The following CDS1 variants were observed in gnomAD, a reference collection of about 807,000 sequenced individuals.
CDS1 encodes the protein phosphatidate cytidylyltransferase 1.
In CDS1, 41 loss-of-function variants were observed where a neutral mutation model predicts 62.1. The observed-to-expected ratio is 0.66, with a 90% CI of 0.51 to 0.86. The LOEUF is 0.86. CDS1 is among the 40% of genes least tolerant of loss of function. The pLI is 0.00. For synonymous variants in CDS1, 185 were observed against 192.6 expected, an observed-to-expected ratio of 0.96 and a Z score of 0.32; for missense variants, 470 against 550.1, an observed-to-expected ratio of 0.85 and a Z score of 1.46.
At chr4:84,645,814 A>T (rs867502168) in intron 12 of CDS1, among the ~76,000 whole-genome samples, 4 of 152,234 alleles carry the variant, frequency 2.6e-5, no homozygotes, top group African/African-American at 7.2e-5. Context: ...AGAAAGAGAC[A>T]ATAAACAAAT....
chr4:84,615,879 A>G (rs1323368718), intron 3 of CDS1, among the ~76,000 whole-genome samples: 2 of 152,228 alleles, frequency 1.3e-5, no homozygotes, highest in Non-Finnish European at 2.9e-5. Context: ...AGATACACAT[A>G]TAGTTGAAGG....
At chr4:84,611,618 C>T (rs1236981524) in intron 3 of CDS1, among the ~76,000 whole-genome samples, 1 of 152,190 alleles carries the variant, frequency 6.6e-6, no homozygotes, top group Non-Finnish European at 1.5e-5. Context: ...TCTTTCACTT[C>T]TCTTTTTGTC....
intron 5 of CDS1, among the ~76,000 whole-genome samples, chr4:84,622,891 G>T (rs753683514): frequency 6.6e-6 from 1 of 152,000 alleles, no homozygotes; most frequent in Non-Finnish European, 1.5e-5. Context: ...ATCACTTCCT[G>T]TAGAGCCAAA....
In CDS1 at chr4:84,645,080, A is replaced by G. The variant is rs1294215337; in HGVS notation, c.1153-142A>G. 4.7e-6 allele frequency: 3 copies of G among 638,074 alleles called. No homozygotes were observed. The African/African-American group carries it at 5.5e-5, about 12-fold the overall frequency. The allele number at this position is 638,074 out of a possible 1,614,324, so 39.5% of individuals were successfully genotyped here. On this transcript the variant is annotated intron_variant, in intron 11 of 12. Transcript: ENST00000295887. ...GGTTTTAATCTGCTGGATGTGTTCT[A>G]ATAAGTTTTTATTTAGTGAAAAAAA...
At chr4:84,604,697 T>C (rs1723038448) in intron 2 of CDS1, among the ~76,000 whole-genome samples, 5 of 152,230 alleles carry the variant, frequency 3.3e-5, no homozygotes, top group Admixed American at 3.3e-4. Flanking sequence ...TTTCTGGTAT[T>C]AGAACACCTA....
chr4:84,627,184 AGT>A (rs1723888607), intron 5 of CDS1, among the ~76,000 whole-genome samples: 1 of 152,224 alleles, frequency 6.6e-6, no homozygotes. Context: ...AAGCAGAGAC[AGT>A]TCAAATTACT....
At chr4:84,631,961 G>A (rs1014930966) in intron 6 of CDS1, 84 bp downstream of exon 6, 12 of 840,144 alleles carry the variant, frequency 1.4e-5, no homozygotes, top group South Asian at 4.6e-5. Context: ...AGATACAGTC[G>A]AATCTGCTAG....
chr4:84,599,448 A>ATG (rs1304396490), intron 1 of CDS1, among the ~76,000 whole-genome samples: 2 of 134,386 alleles, frequency 1.5e-5, no homozygotes, highest in African/African-American at 5.6e-5. Flanking sequence ...ATATATATAT[A>ATG]TATGCCTATG....
intron 3 of CDS1, among the ~76,000 whole-genome samples, chr4:84,612,154 G>C (rs1723344579): frequency 6.6e-6 from 1 of 151,514 alleles, no homozygotes; most frequent in Non-Finnish European, 1.5e-5. Flanking sequence ...TTCCTCGGTG[G>C]CAGAAAAAGG....
intron 1 of CDS1, among the ~76,000 whole-genome samples, chr4:84,594,175 C>G (rs1162743733): frequency 6.6e-6 from 1 of 152,052 alleles, no homozygotes; most frequent in Non-Finnish European, 1.5e-5. Flanking sequence ...AAGAGAAAAA[C>G]CATTTTTCTC....
Position 84,629,871 on chromosome 4 carries a change from G to C in CDS1, c.581-1948G>C, listed in dbSNP as rs1390307688. On this transcript the variant is annotated intron_variant, in intron 5 of 12. Transcript: ENST00000295887. ...TGAAGAAATGTAAGTAAGGGTGAAT[G>C]GTGTTATCATTTCAAGAAAGAGAAA... is the stretch of plus-strand genomic sequence containing the variant. Among the ~76,000 whole-genome samples, 3 of 152,294 alleles carry C rather than the reference G, an allele frequency of 2.0e-5. No individual in the cohort carries two copies. The East Asian group carries it at 5.8e-4, about 29-fold the overall frequency.
chr4:84,600,614 T>C (rs1382296806), intron 1 of CDS1, among the ~76,000 whole-genome samples: 6 of 152,226 alleles, frequency 3.9e-5, no homozygotes. Flanking sequence ...TATGTAGGTT[T>C]ATTTATGGAC....
rs144066823 is a variant in CDS1 at position 84,648,526 on chromosome 4, C to T, written c.1257-31C>T. 6.9e-5 allele frequency: 111 copies of T among 1,605,096 alleles called. No homozygotes were observed. In the Admixed American group the frequency reaches 1.1e-3, roughly 16 times the overall value. Reference sequence around the variant, plus strand: ...TTCACTTATCCCTATTAAAATAACACGAACTTGTCTTCTTTGCCTTTTATC... The same window carrying T: ...TTCACTTATCCCTATTAAAATAACATGAACTTGTCTTCTTTGCCTTTTATC... On this transcript the variant is annotated intron_variant, in intron 12 of 12. Transcript: ENST00000295887.
At chr4:84,629,294 G>T (rs1178952829) in intron 5 of CDS1, among the ~76,000 whole-genome samples, 1 of 150,050 alleles carries the variant, frequency 6.7e-6, no homozygotes, top group Non-Finnish European at 1.5e-5. Flanking sequence ...TACACAGTTG[G>T]CCCTCCTATA....
chr4:84,621,826 T>C (rs1239774528), intron 5 of CDS1, among the ~76,000 whole-genome samples: 2 of 152,198 alleles, frequency 1.3e-5, no homozygotes, highest in Admixed American at 6.5e-5. Context: ...TTCCTAGAAA[T>C]AGGTATTGAA....
intron 2 of CDS1, among the ~76,000 whole-genome samples, chr4:84,608,322 C>G (rs1052210728): frequency 6.6e-6 from 1 of 152,168 alleles, no homozygotes; most frequent in Non-Finnish European, 1.5e-5. Context: ...TACAGGCGCC[C>G]ACCACTATGC....
chr4:84,617,336 A>G (rs1021962696), intron 3 of CDS1, among the ~76,000 whole-genome samples: 3 of 152,172 alleles, frequency 2.0e-5, no homozygotes, highest in Non-Finnish European at 2.9e-5. Flanking sequence ...TCCCCACCCC[A>G]GGAAGGATCT....
At chr4:84,609,206 A>C (rs1483021568) in intron 2 of CDS1, among the ~76,000 whole-genome samples, 1 of 151,752 alleles carries the variant, frequency 6.6e-6, no homozygotes, top group African/African-American at 2.4e-5. Context: ...AAAAAAGAAA[A>C]GAAAAATTAT....
chr4:84,617,663 T>C lies in CDS1; in HGVS notation c.440+2T>C. The C allele has an allele frequency of 2.2e-6, 3 of 1,379,722 alleles. No individual in the cohort carries two copies. The highest frequency in any genetic ancestry group is 1.8e-4 in the Middle Eastern group (1 of 5,586). The allele number at this position is 1,379,722 out of a possible 1,614,324, so 85.5% of individuals were successfully genotyped here. A position where few individuals can be genotyped will look rare whatever the true frequency, so the allele number is the denominator to read the frequency against. On this transcript the variant is annotated splice_donor_variant, in intron 4 of 12. Transcript: ENST00000295887. LOFTEE classifies it high-confidence loss of function. Reference sequence around the variant, plus strand: ...ACCATGGTTTAGAACACTAAGTTGGTAAGTAAGCTTGAAACTATTTCAGAT... The same window carrying C: ...ACCATGGTTTAGAACACTAAGTTGGCAAGTAAGCTTGAAACTATTTCAGAT...
Sources: allele counts gnomAD v4.1 joint callset (sites outside exome capture counted in the v4.1 genomes callset), GRCh38; gene constraint gnomAD v4.1.1; transcripts MANE v1.5; gene names NCBI Gene and HGNC (gene_info 2026-07-23, HGNC 2026-07-21).